The following SNX8 variants were observed in gnomAD, a reference collection of about 807,000 sequenced individuals.
The protein encoded by SNX8 is sorting nexin 8, also known as sorting nexin-8.
Under a neutral mutation model 51.6 loss-of-function variants are expected in SNX8, and 25 were observed. That is an observed-to-expected ratio of 0.48 (90% CI 0.35 to 0.68). The LOEUF is 0.68. Among genes scored for constraint, SNX8 ranks in the 30% least tolerant of loss-of-function variants. SNX8 has a pLI of 0.00. For missense variants in SNX8, 695 were observed against 624.0 expected, an observed-to-expected ratio of 1.11 and a Z score of -1.21; for synonymous variants, 324 against 277.0, an observed-to-expected ratio of 1.17 and a Z score of -1.68.
intron 1 of SNX8, among the ~76,000 whole-genome samples, chr7:2,302,319 G>A (rs1415826568): frequency 1.3e-5 from 2 of 152,242 alleles, no homozygotes; most frequent in East Asian, 1.9e-4. Flanking sequence ...TGGCCAGGCC[G>A]GTCTCAGCTC....
chr7:2,257,301 G>T, intron 9 of SNX8, 64 bp downstream of exon 9: 2 of 1,543,672 alleles, frequency 1.3e-6, no homozygotes. Flanking sequence ...GGACGGCTCC[G>T]GGTCCCACCA....
intron 1 of SNX8, among the ~76,000 whole-genome samples, chr7:2,330,576 G>A (rs1275985620): frequency 6.6e-6 from 1 of 152,106 alleles, no homozygotes; most frequent in Admixed American, 6.6e-5. Context: ...AAGTTCGAGA[G>A]GCCCAGACTT....
chr7:2,260,695 T>G (rs1045260753), intron 7 of SNX8, among the ~76,000 whole-genome samples: 1 of 152,132 alleles, frequency 6.6e-6, no homozygotes, highest in Non-Finnish European at 1.5e-5. Context: ...AGATGGAACT[T>G]CTGCTGCATC....
At chr7:2,285,128 C>T (rs1238970645) in intron 1 of SNX8, among the ~76,000 whole-genome samples, 5 of 149,106 alleles carry the variant, frequency 3.4e-5, no homozygotes, top group South Asian at 2.1e-4. Flanking sequence ...AGGAGAATGG[C>T]GTGAACCCGG....
upstream of SNX8, among the ~76,000 whole-genome samples, chr7:2,319,181 G>A (rs1796797633): frequency 2.0e-5 from 3 of 150,558 alleles, no homozygotes; most frequent in South Asian, 4.2e-4. Context: ...TCCAATAAAA[G>A]TACAAAACTT....
intron 1 of SNX8, chr7:2,287,990 T>C (rs1475783545): frequency 6.6e-6 from 1 of 152,478 alleles, no homozygotes; most frequent in African/African-American, 2.4e-5. Context: ...GACTGTGCTT[T>C]TGAACACACT....
chr7:2,285,307 T>C (rs982830379), intron 1 of SNX8, among the ~76,000 whole-genome samples: 2 of 151,994 alleles, frequency 1.3e-5, no homozygotes, highest in South Asian at 2.1e-4. Flanking sequence ...GAGAATTGCT[T>C]GAACCCGGGA....
chr7:2,267,840 C>T (rs1248186027), intron 5 of SNX8, among the ~76,000 whole-genome samples: 1 of 122,246 alleles, frequency 8.2e-6, no homozygotes, highest in Non-Finnish European at 1.7e-5. Context: ...CGTCTCCGCC[C>T]GGCCGCCATC....
chr7:2,341,496 T>C (rs878902479), intron 1 of SNX8, among the ~76,000 whole-genome samples: 1 of 151,218 alleles, frequency 6.6e-6, no homozygotes, highest in African/African-American at 2.4e-5. Context: ...CGAGACTCCA[T>C]CTCAAAAAAA....
At chr7:2,295,779 C>A (rs770815701) in intron 1 of SNX8, among the ~76,000 whole-genome samples, 29 of 151,956 alleles carry the variant, frequency 1.9e-4, no homozygotes, top group Non-Finnish European at 3.1e-4. Flanking sequence ...AGCGAGCGAC[C>A]CAGTTTCATT....
In SNX8 at chr7:2,264,461, G is replaced by A. The variant is rs1795417262; in HGVS notation, c.622-3C>T. 1.2e-6 allele frequency: 2 copies of A among 1,608,978 alleles called. No homozygotes were observed. The highest frequency in any genetic ancestry group is 1.1e-5 in the South Asian group (1 of 91,024). ...TGGATGTCAGCTGGGAGGAAGTCCT[G>A]ACATCATGATGGGGGGAGAGACACT... On this transcript the variant is annotated splice_polypyrimidine_tract_variant and splice_region_variant and intron_variant, in intron 5 of 10. Coordinates refer to ENST00000222990, the MANE Select transcript of SNX8 (RefSeq NM_013321.4).
At chr7:2,265,077 G>A (rs925518492) in intron 5 of SNX8, among the ~76,000 whole-genome samples, 3 of 151,746 alleles carry the variant, frequency 2.0e-5, no homozygotes, top group East Asian at 1.9e-4. Flanking sequence ...TAATCTTGCC[G>A]GGCGCAGTGG....
intron 1 of SNX8, among the ~76,000 whole-genome samples, chr7:2,344,468 C>T (rs956621387): frequency 7.3e-5 from 11 of 151,490 alleles, no homozygotes; most frequent in African/African-American, 2.4e-4. Context: ...AAAAATTAGC[C>T]GGGCGTGGTG....
intron 5 of SNX8, among the ~76,000 whole-genome samples, chr7:2,266,049 C>G (rs1033889281): frequency 1.3e-5 from 2 of 152,068 alleles, no homozygotes; most frequent in Non-Finnish European, 2.9e-5. Context: ...CTCAGGAGGT[C>G]GAGGCTGCAA....
intron 1 of SNX8, among the ~76,000 whole-genome samples, chr7:2,345,314 G>A (rs1779000657): frequency 1.3e-5 from 2 of 152,292 alleles, no homozygotes; most frequent in South Asian, 2.1e-4. Flanking sequence ...GAAGAAAACT[G>A]CAGAAGGGTC....
At chr7:2,272,960 A>G (rs1279278352) in intron 3 of SNX8, among the ~76,000 whole-genome samples, 1 of 151,712 alleles carries the variant, frequency 6.6e-6, no homozygotes, top group African/African-American at 2.4e-5. Flanking sequence ...CAGCCTCCCA[A>G]GTAGCTGGGA....
intron 1 of SNX8, among the ~76,000 whole-genome samples, chr7:2,344,996 C>T (rs1583127790): frequency 6.6e-6 from 1 of 152,076 alleles, no homozygotes; most frequent in South Asian, 2.1e-4. Context: ...AGCAATATTC[C>T]CACACTGCTG....
chr7:2,309,174 C>G (rs1310611501), intron 1 of SNX8, among the ~76,000 whole-genome samples: 1 of 152,144 alleles, frequency 6.6e-6, no homozygotes, highest in African/African-American at 2.4e-5. Context: ...ATCCTCCTGC[C>G]TTAACCTCCC....
chr7:2,285,193 C>A (rs566124310), intron 1 of SNX8, among the ~76,000 whole-genome samples: 22 of 125,462 alleles, frequency 1.8e-4, no homozygotes, highest in African/African-American at 6.4e-4. Flanking sequence ...GCCTGGGTGA[C>A]AGAGCAAGAC....
Sources: allele counts gnomAD v4.1 joint callset (sites outside exome capture counted in the v4.1 genomes callset), GRCh38; gene constraint gnomAD v4.1.1; transcripts MANE v1.5; gene names NCBI Gene and HGNC (gene_info 2026-07-23, HGNC 2026-07-21).